Variants in LYPD1 observed in about 807,000 individuals in gnomAD.
The protein encoded by LYPD1 is ly6/PLAUR domain-containing protein 1.
A neutral mutation model predicts 14.2 loss-of-function variants in LYPD1; 14 were observed. The ratio of observed to expected loss-of-function variants is 0.99; its 90% CI spans 0.65 to 1.54. The LOEUF is 1.54. Among genes scored for constraint, LYPD1 ranks in the 40% most tolerant of loss-of-function variants. The pLI, the probability that LYPD1 is intolerant of heterozygous loss-of-function variation, is 0.00. For missense variants in LYPD1, 165 were observed against 175.7 expected (o/e 0.94, Z 0.34); for synonymous variants, 85 against 70.6 (o/e 1.20, Z -1.02).
rs9967655 is a variant in LYPD1, at chr2:132,644,403, T to C, written c.*1642A>G. On this transcript the variant is annotated 3_prime_UTR_variant, in exon 3 of 3. Coordinates refer to ENST00000397463, the MANE Select transcript of LYPD1 (RefSeq NM_144586.7). ...CTAGAAGGAAGTTTTATATTTGCCA[T>C]CTCTGAATAATTCTTTTTCCCCACA... Among the ~76,000 whole-genome samples the C allele has an allele frequency of 6.6e-6, 1 of 152,156 alleles. No homozygotes were observed. Among genetic ancestry groups the C allele is most frequent in the Non-Finnish European group, 1.5e-5 (1 of 68,036 alleles).
At chr2:132,654,913 T>C (rs769774766) in intron 2 of LYPD1, among the ~76,000 whole-genome samples, 2 of 151,982 alleles carry the variant, frequency 1.3e-5, no homozygotes, top group Non-Finnish European at 2.9e-5. Flanking sequence ...CATGCCCGGT[T>C]AATTTTTTGT....
At position 132,645,255 on chromosome 2, in the gene LYPD1, GGT is replaced by G. The variant is rs756160343; in HGVS notation, c.*788_*789del. 1.4e-4 allele frequency: 218 copies of G among 1,614,010 alleles called. No individual in the cohort carries two copies. Among genetic ancestry groups the G allele is most frequent in the Non-Finnish European group, 1.8e-4 (211 of 1,180,036 alleles). On this transcript the variant is annotated 3_prime_UTR_variant, in exon 3 of 3. Transcript: ENST00000397463. ...CGGAGACGTTTTTCTACCTCAGCTCGGTCATCAACCCGCTCCTGTACACGGTG... is the reference window on the plus strand; with the variant it reads ...CGGAGACGTTTTTCTACCTCAGCTCGCATCAACCCGCTCCTGTACACGGTG...
intron 2 of LYPD1, among the ~76,000 whole-genome samples, chr2:132,650,755 G>A (rs1682333797): frequency 6.7e-6 from 1 of 150,352 alleles, no homozygotes; most frequent in South Asian, 2.1e-4. Context: ...ACCCAAATGA[G>A]TTTATGCTTC....
rs1681911123 is a variant in LYPD1, at chr2:132,643,619, T to C, written c.*2426A>G. Among the ~76,000 whole-genome samples, 1 of 152,206 alleles carries C rather than the reference T, an allele frequency of 6.6e-6. No individual in the cohort carries two copies. On this transcript the variant is annotated 3_prime_UTR_variant, in exon 3 of 3. Coordinates refer to ENST00000397463, the MANE Select transcript of LYPD1 (RefSeq NM_144586.7). ...GCCTTCACCTCCTGGGCTCAAGTGA[T>C]CCTCCCGCCTCAGCCCCCAAAAAGT...
At chr2:132,654,488 A>T (rs765992225) in intron 2 of LYPD1, among the ~76,000 whole-genome samples, 6 of 152,030 alleles carry the variant, frequency 3.9e-5, no homozygotes, top group African/African-American at 7.2e-5. Context: ...GCAGTGAAAT[A>T]CGCTTGACCA....
chr2:132,660,917 C>G (rs1409293814), intron 2 of LYPD1, among the ~76,000 whole-genome samples: 1 of 149,278 alleles, frequency 6.7e-6, no homozygotes, highest in Non-Finnish European at 1.5e-5. Context: ...TCTCTTTAAC[C>G]AAAACCTTTC....
chr2:132,662,373 G>A (rs1329243538), intron 2 of LYPD1, among the ~76,000 whole-genome samples: 1 of 152,158 alleles, frequency 6.6e-6, no homozygotes, highest in African/African-American at 2.4e-5. Flanking sequence ...CTAAGCCCCT[G>A]GGATATTAAG....
At position 132,655,156 on chromosome 2, in the gene LYPD1, G is replaced by A. The variant is rs151105505; in HGVS notation, c.191-8876C>T. Among the ~76,000 whole-genome samples the A allele has an allele frequency of 6.5e-3, 992 of 152,222 alleles. 12 individuals carry two copies. Among genetic ancestry groups the A allele is most frequent in the African/African-American group, 0.022 (930 of 41,520 alleles). ...CTTTCCTGTTCCTTCTTGAAATTGA[G>A]TGACTCATAGCAAACAGGTATTCTG... is the stretch of plus-strand genomic sequence containing the variant. On this transcript the variant is annotated intron_variant, in intron 2 of 2. Coordinates refer to ENST00000397463, the MANE Select transcript of LYPD1 (RefSeq NM_144586.7).
At position 132,645,353 on chromosome 2, in the gene LYPD1, A is replaced by G. The variant is rs769967959; in HGVS notation, c.*692T>C. On this transcript the variant is annotated 3_prime_UTR_variant, in exon 3 of 3. Transcript: ENST00000397463. ...CGCCTGTCGCTGCAGCACGCCAACCACGAGAAGCGCCTGCGCGTACATGCG... is the reference window on the plus strand; with the variant it reads ...CGCCTGTCGCTGCAGCACGCCAACCGCGAGAAGCGCCTGCGCGTACATGCG... 2 of 1,614,078 alleles carry G rather than the reference A, an allele frequency of 1.2e-6. No homozygotes were observed. Among genetic ancestry groups the G allele is most frequent in the South Asian group, 1.1e-5 (1 of 91,078 alleles).
At chr2:132,650,409 A>G (rs996515103) in intron 2 of LYPD1, among the ~76,000 whole-genome samples, 5 of 152,232 alleles carry the variant, frequency 3.3e-5, no homozygotes, top group African/African-American at 1.2e-4. Context: ...GGCAATAGCT[A>G]TCAACATTGC....
Position 132,645,459 on chromosome 2 carries a change from TGAG to T in LYPD1, c.*583_*585del, listed in dbSNP as rs1682010969. The T allele has an allele frequency of 6.2e-7, 1 of 1,613,908 alleles. No individual in the cohort carries two copies. The highest frequency in any genetic ancestry group is 1.3e-5 in the African/African-American group (1 of 75,002). ...GGCGCCAGTCCTCTGCAAGGAGAAC[TGAG>T]AAGATTTTCTTAAGCACTTTTCAGA... is the stretch of plus-strand genomic sequence containing the variant. On this transcript the variant is annotated 3_prime_UTR_variant, in exon 3 of 3. Coordinates refer to ENST00000397463, the MANE Select transcript of LYPD1 (RefSeq NM_144586.7).
chr2:132,651,933 C>T lies in LYPD1; in HGVS notation c.191-5653G>A, dbSNP rs186495453. 3.8e-3 allele frequency among the ~76,000 whole-genome samples: 571 copies of T among 152,236 alleles called. 4 individuals carry two copies. Among genetic ancestry groups the T allele is most frequent in the Non-Finnish European group, 4.4e-3 (300 of 68,022 alleles). On this transcript the variant is annotated intron_variant, in intron 2 of 2. Transcript: ENST00000397463. ...GATGAGGCATCTCTGAAACATGAGACAGGTTTGGCAAAGAACACCACGGTT... is the reference window on the plus strand; with the variant it reads ...GATGAGGCATCTCTGAAACATGAGATAGGTTTGGCAAAGAACACCACGGTT...
chr2:132,647,150 G>A (rs1258697006), intron 2 of LYPD1, among the ~76,000 whole-genome samples: 1 of 152,170 alleles, frequency 6.6e-6, no homozygotes, highest in Admixed American at 6.5e-5. Flanking sequence ...GACACCCTTA[G>A]CGTGTCAGCT....
rs1682049920 is a variant in LYPD1, at chr2:132,645,990, G to T, written c.*55C>A. On this transcript the variant is annotated 3_prime_UTR_variant, in exon 3 of 3. Transcript: ENST00000397463. The stretch of plus-strand genomic sequence containing the variant: ...AGAAACTCACTCAGGGAGGTGGGGG[G>T]TTGGGGGCGAGGGCTGGAAGAACAA... 3 of 1,360,710 alleles carry T rather than the reference G, an allele frequency of 2.2e-6. No individual in the cohort carries two copies. Among genetic ancestry groups the T allele is most frequent in the East Asian group, 4.9e-5 (2 of 41,120 alleles). 84.3% of individuals were successfully genotyped at this position (1,360,710 alleles called of 1,614,324 possible).
At chr2:132,668,630 C>T (rs1383509810) in intron 1 of LYPD1, 93 bp from the exon 2 acceptor site, 12 of 1,525,364 alleles carry the variant, frequency 7.9e-6, no homozygotes, top group Middle Eastern at 2.3e-4. Flanking sequence ...CAGGCGGCTC[C>T]CAGCCTCTGG....
At chr2:132,659,992 T>C (rs566718766) in intron 2 of LYPD1, among the ~76,000 whole-genome samples, 1 of 152,356 alleles carries the variant, frequency 6.6e-6, no homozygotes, top group East Asian at 1.9e-4. Flanking sequence ...GTGGAGGGCA[T>C]TGCAAACTGC....
intron 2 of LYPD1, among the ~76,000 whole-genome samples, chr2:132,656,312 T>C (rs1361233240): frequency 6.6e-6 from 1 of 152,232 alleles, no homozygotes; most frequent in Non-Finnish European, 1.5e-5. Flanking sequence ...CTTGTGTGAA[T>C]GCCTGTTTGG....
intron 1 of LYPD1, among the ~76,000 whole-genome samples, chr2:132,668,829 G>T (rs1346378610): frequency 6.6e-6 from 1 of 152,178 alleles, no homozygotes; most frequent in Admixed American, 6.5e-5. Flanking sequence ...TGAAGGGAGG[G>T]TGGGGACGGT....
chr2:132,645,020 T>C lies in LYPD1; in HGVS notation c.*1025A>G, dbSNP rs1212161952. 2 of 1,481,128 alleles carry C rather than the reference T, an allele frequency of 1.4e-6. No individual in the cohort carries two copies. The highest frequency in any genetic ancestry group is 1.8e-6 in the Non-Finnish European group (2 of 1,096,250). 91.7% of individuals were successfully genotyped at this position (1,481,128 alleles called of 1,614,324 possible). ...AGCACAGAACAGAGGGGCTAAATAT[T>C]TTATGGTTTTATTCATTTACTGTGT... On this transcript the variant is annotated 3_prime_UTR_variant, in exon 3 of 3. Transcript: ENST00000397463.
Sources: gnomAD v4.1 joint callset for allele counts (sites outside exome capture counted in the v4.1 genomes callset) on GRCh38, gnomAD v4.1.1 for gene constraint, MANE v1.5 for transcripts, NCBI Gene and HGNC (gene_info 2026-07-23, HGNC 2026-07-21) for gene names.